Variants in TSHZ2 observed in about 807,000 individuals in gnomAD.
The protein encoded by TSHZ2 is teashirt zinc finger homeobox 2.
In TSHZ2, 21 loss-of-function variants were observed where a neutral mutation model predicts 74.4. The ratio of observed to expected loss-of-function variants is 0.28; its 90% CI spans 0.20 to 0.41. The LOEUF is 0.41. Among genes scored for constraint, TSHZ2 ranks in the 10% least tolerant of loss-of-function variants. The pLI is 1.00. For missense variants in TSHZ2, 1,244 were observed against 1,293.5 expected, an observed-to-expected ratio of 0.96 and a Z score of 0.59; for synonymous variants, 540 against 515.3, an observed-to-expected ratio of 1.05 and a Z score of -0.65.
At chr20:53,110,367 C>T (rs966762820) in intron 1 of TSHZ2, among the ~76,000 whole-genome samples, 1 of 152,086 alleles carries the variant, frequency 6.6e-6, no homozygotes, top group Admixed American at 6.5e-5. Context: ...TTCTCCGGCC[C>T]TCTCTTGCTG....
At chr20:53,115,056 G>A (rs901545781) in intron 1 of TSHZ2, among the ~76,000 whole-genome samples, 2 of 152,082 alleles carry the variant, frequency 1.3e-5, no homozygotes, top group Admixed American at 1.3e-4. Context: ...ACGCATTTGG[G>A]TGGCCCCCTT....
At chr20:53,196,867 A>G (rs760017757) in intron 1 of TSHZ2, among the ~76,000 whole-genome samples, 1 of 152,256 alleles carries the variant, frequency 6.6e-6, no homozygotes, top group Admixed American at 6.5e-5. Flanking sequence ...AATTGTCCAG[A>G]TGCATACACA....
chr20:52,980,006 A>T (rs530673742), intron 1 of TSHZ2, among the ~76,000 whole-genome samples: 12 of 152,164 alleles, frequency 7.9e-5, no homozygotes, highest in Non-Finnish European at 1.5e-4. Flanking sequence ...AAACAATTTC[A>T]ATATCCTCCT....
chr20:53,082,107 A>G (rs903706806), intron 1 of TSHZ2, among the ~76,000 whole-genome samples: 2 of 152,176 alleles, frequency 1.3e-5, no homozygotes, highest in Non-Finnish European at 2.9e-5. Context: ...TTCAAAGCAC[A>G]TTGAACTGGA....
intron 1 of TSHZ2, among the ~76,000 whole-genome samples, chr20:53,156,807 T>A (rs1198919377): frequency 6.6e-6 from 1 of 152,208 alleles, no homozygotes; most frequent in African/African-American, 2.4e-5. Context: ...CCCCAATAGG[T>A]TATATTCTAA....
At chr20:53,422,364 G>T (rs1983505530) in intron 2 of TSHZ2, among the ~76,000 whole-genome samples, 1 of 152,038 alleles carries the variant, frequency 6.6e-6, no homozygotes, top group South Asian at 2.1e-4. Flanking sequence ...TCAGCTGTTG[G>T]TCTCACCTGC....
intron 2 of TSHZ2, among the ~76,000 whole-genome samples, chr20:53,305,173 C>T (rs1362658000): frequency 3.9e-5 from 6 of 152,000 alleles, no homozygotes; most frequent in Admixed American, 6.5e-5. Context: ...CTCCTGACCT[C>T]GTGATCTGCC....
At position 53,450,349 on chromosome 20, in the gene TSHZ2, A is replaced by T. The variant is rs1984727935; in HGVS notation, c.*9-36795A>T. Among the ~76,000 whole-genome samples, 4 of 152,332 alleles carry T rather than the reference A, an allele frequency of 2.6e-5. No individual in the cohort carries two copies. In the South Asian group the frequency reaches 8.3e-4, roughly 32 times the overall value. On this transcript the variant is annotated intron_variant, in intron 2 of 2. Coordinates refer to ENST00000371497, the MANE Select transcript of TSHZ2 (RefSeq NM_173485.6). The stretch of plus-strand genomic sequence containing the variant: ...TGTAAAGCATTTTGATTGCTTTGGC[A>T]ATGAGGTGCTCCAAAAATCTCAGGG...
intron 1 of TSHZ2, among the ~76,000 whole-genome samples, chr20:53,073,374 C>T (rs571034202): frequency 6.7e-6 from 1 of 149,018 alleles, no homozygotes; most frequent in Non-Finnish European, 1.5e-5. Flanking sequence ...CCCTCCCTCC[C>T]TCCATCCATT....
chr20:53,041,103 C>A (rs1374371305), intron 1 of TSHZ2, among the ~76,000 whole-genome samples: 1 of 152,158 alleles, frequency 6.6e-6, no homozygotes, highest in Non-Finnish European at 1.5e-5. Flanking sequence ...TGGACTGAAC[C>A]TTTTGCATAT....
rs79228755 is a variant in TSHZ2 at position 53,068,883 on chromosome 20, T to G, written c.40+95550T>G. Reference sequence around the variant, plus strand: ...TAGAGATTTTCTGTTGTTTTTTTTTTCCATAAAGAACTGAGGCAATGACTG... The same window carrying G: ...TAGAGATTTTCTGTTGTTTTTTTTTGCCATAAAGAACTGAGGCAATGACTG... On this transcript the variant is annotated intron_variant, in intron 1 of 2. Transcript: ENST00000371497. Among the ~76,000 whole-genome samples the G allele has an allele frequency of 2.0e-5, 3 of 151,898 alleles. No individual in the cohort carries two copies. In the East Asian group the frequency reaches 5.8e-4, roughly 29 times the overall value.
At chr20:53,339,460 C>T (rs368870792) in intron 2 of TSHZ2, among the ~76,000 whole-genome samples, 121 of 152,306 alleles carry the variant, frequency 7.9e-4, no homozygotes, top group African/African-American at 2.8e-3. Context: ...GCGTATTCTG[C>T]CCTCAAACTT....
At position 53,137,328 on chromosome 20, in the gene TSHZ2, G is replaced by A. The variant is rs145653907; in HGVS notation, c.41-116171G>A. ...TTTTTTTTTTCATTCTAAACACTGT[G>A]TATCAAGTAAATTGTTTTCCCCAGG... On this transcript the variant is annotated intron_variant, in intron 1 of 2. Transcript: ENST00000371497. Among the ~76,000 whole-genome samples the A allele has an allele frequency of 4.6e-3, 654 of 140,822 alleles. 6 individuals are homozygous for A. The highest frequency in any genetic ancestry group is 0.016 in the African/African-American group (615 of 37,678). 92.4% of individuals were successfully genotyped at this position (140,822 alleles called of 152,430 possible).
chr20:53,281,124 A>T (rs1468338455), intron 2 of TSHZ2, among the ~76,000 whole-genome samples: 1 of 152,228 alleles, frequency 6.6e-6, no homozygotes, highest in Non-Finnish European at 1.5e-5. Flanking sequence ...CAAACAATTT[A>T]ATCAAAGAGA....
intron 2 of TSHZ2, among the ~76,000 whole-genome samples, chr20:53,325,958 T>C (rs758980460): frequency 1.3e-5 from 2 of 152,114 alleles, no homozygotes; most frequent in Non-Finnish European, 2.9e-5. Flanking sequence ...ATTTTTTGTA[T>C]TTTTAGTTGA....
chr20:52,987,318 G>T (rs1298028594), intron 1 of TSHZ2, among the ~76,000 whole-genome samples: 3 of 152,196 alleles, frequency 2.0e-5, no homozygotes, highest in Non-Finnish European at 4.4e-5. Flanking sequence ...TAGAGATTCT[G>T]ATTCCATAGG....
intron 2 of TSHZ2, among the ~76,000 whole-genome samples, chr20:53,261,984 C>T (rs1990610202): frequency 6.6e-6 from 1 of 152,134 alleles, no homozygotes; most frequent in East Asian, 1.9e-4. Flanking sequence ...GGTGGAGGGA[C>T]ACACAATCGC....
intron 2 of TSHZ2, among the ~76,000 whole-genome samples, chr20:53,301,219 A>G (rs971719929): frequency 3.1e-4 from 47 of 152,246 alleles, no homozygotes; most frequent in African/African-American, 1.1e-3. Flanking sequence ...CAGCCTCCCA[A>G]AGTGCTGGGA....
At chr20:53,410,100 G>C (rs1983000767) in intron 2 of TSHZ2, among the ~76,000 whole-genome samples, 1 of 151,976 alleles carries the variant, frequency 6.6e-6, no homozygotes. Context: ...ACCCACCTCG[G>C]CCTCCCAAAG....
Sources: gnomAD v4.1 joint callset for allele counts (sites outside exome capture counted in the v4.1 genomes callset) on GRCh38, gnomAD v4.1.1 for gene constraint, MANE v1.5 for transcripts, NCBI Gene and HGNC (gene_info 2026-07-23, HGNC 2026-07-21) for gene names.